CYP2C19: variants seen among roughly 807,000 people sequenced by gnomAD.
CYP2C19 encodes the protein cytochrome P450 2C19.
Under a neutral mutation model 40.9 loss-of-function variants are expected in CYP2C19, and 59 were observed. That is an observed-to-expected ratio of 1.44 (90% CI 1.17 to 1.79). CYP2C19 has a LOEUF of 1.79. Among genes scored for constraint, CYP2C19 ranks in the 40% most tolerant of loss-of-function variants. The pLI is 0.00. For synonymous variants in CYP2C19, 253 were observed against 208.7 expected (o/e 1.21, Z -1.83); for missense variants, 754 against 596.9 (o/e 1.26, Z -2.74).
intron 6 of CYP2C19, among the ~76,000 whole-genome samples, chr10:94,837,596 AC>A (rs1849424504): frequency 6.7e-6 from 1 of 149,770 alleles, no homozygotes. Context: ...CAGCTTAGTG[AC>A]TGGGAGAAGT....
intron 6 of CYP2C19, among the ~76,000 whole-genome samples, chr10:94,831,411 G>A (rs1449441943): frequency 6.6e-6 from 1 of 152,066 alleles, no homozygotes; most frequent in Non-Finnish European, 1.5e-5. Context: ...AGGGTTGTTG[G>A]TAGTTTTATT....
chr10:94,820,635 C>G lies in CYP2C19; in HGVS notation c.959C>G (p.Thr320Arg). ...CTCCTGCTGAAGCACCCAGAGGTCACAGGTATGATCACAGAGGATGAGTTA... is the reference window on the plus strand; with the variant it reads ...CTCCTGCTGAAGCACCCAGAGGTCAGAGGTATGATCACAGAGGATGAGTTA... ...LLLLLKHPEV[T>R]AKVQEEIERV... The change falls in exon 6 of 9, where the codon ACA (threonine) becomes AGA (arginine). Residue 320 changes from threonine (T) to arginine (R), a missense_variant and splice_region_variant. By Grantham distance (71) the Thr-to-Arg change is moderately conservative. Transcript: ENST00000371321. 6.2e-7 allele frequency: 1 copy of G among 1,614,144 alleles called. No individual in the cohort carries two copies. The highest frequency in any genetic ancestry group is 8.5e-7 in the Non-Finnish European group (1 of 1,180,022).
At chr10:94,834,937 G>A (rs1041103538) in intron 6 of CYP2C19, among the ~76,000 whole-genome samples, 2 of 152,126 alleles carry the variant, frequency 1.3e-5, no homozygotes, top group African/African-American at 4.8e-5. Flanking sequence ...TGGGGAGGTT[G>A]GCCGACGACT....
intron 5 of CYP2C19, among the ~76,000 whole-genome samples, chr10:94,802,250 A>G (rs1848777182): frequency 6.6e-6 from 1 of 152,104 alleles, no homozygotes; most frequent in Non-Finnish European, 1.5e-5. Context: ...TGCATTTTAC[A>G]ATCCTTTTGT....
chr10:94,797,731 G>T (rs1848708814), intron 5 of CYP2C19, among the ~76,000 whole-genome samples: 1 of 151,970 alleles, frequency 6.6e-6, no homozygotes, highest in South Asian at 2.1e-4. Context: ...GGGTGTATTT[G>T]TTCAGGAATT....
chr10:94,851,688 G>C (rs1849657098), intron 8 of CYP2C19, among the ~76,000 whole-genome samples: 1 of 151,940 alleles, frequency 6.6e-6, no homozygotes, highest in Non-Finnish European at 1.5e-5. Flanking sequence ...TACCCCCTCT[G>C]TATCCTCATG....
Position 94,854,741 on chromosome 10 carries a change from C to CAAATGTTTAATACA in CYP2C19, c.*1828_*1829insAATGTTTAATACAA, listed in dbSNP as rs1270289114. On this transcript the variant is annotated 3_prime_UTR_variant, in exon 9 of 9. Transcript: ENST00000371321. ...AAATGTTTATTTACAATATTGGGCT[C>CAAATGTTTAATACA]ATATCACACATCTTGTATTAAAACT... is the stretch of plus-strand genomic sequence containing the variant. 2.0e-5 allele frequency among the ~76,000 whole-genome samples: 3 copies of CAAATGTTTAATACA among 152,166 alleles called. No homozygotes were observed. In the East Asian group the frequency reaches 5.8e-4, roughly 29 times the overall value.
chr10:94,827,291 C>G (rs898099501), intron 6 of CYP2C19, among the ~76,000 whole-genome samples: 1 of 152,020 alleles, frequency 6.6e-6, no homozygotes, highest in Non-Finnish European at 1.5e-5. Flanking sequence ...CCGTCTGGTC[C>G]TGGACTCTTT....
At chr10:94,784,170 T>C (rs1848512381) in intron 5 of CYP2C19, among the ~76,000 whole-genome samples, 1 of 152,198 alleles carries the variant, frequency 6.6e-6, no homozygotes, top group Non-Finnish European at 1.5e-5. Flanking sequence ...CTTTTATTTC[T>C]GGGTCCTTAC....
intron 6 of CYP2C19, among the ~76,000 whole-genome samples, chr10:94,837,797 A>G (rs1330802627): frequency 6.6e-6 from 1 of 152,114 alleles, no homozygotes; most frequent in African/African-American, 2.4e-5. Flanking sequence ...TGCCCCAGGC[A>G]CCCTCAGTCC....
intron 4 of CYP2C19, among the ~76,000 whole-genome samples, chr10:94,781,476 T>A (rs1461703686): frequency 3.9e-5 from 6 of 152,106 alleles, no homozygotes; most frequent in African/African-American, 1.2e-4. Context: ...TATGCTATCA[T>A]CTCCAAAATG....
intron 6 of CYP2C19, among the ~76,000 whole-genome samples, chr10:94,833,242 G>A (rs1366751056): frequency 6.6e-6 from 1 of 152,042 alleles, no homozygotes; most frequent in East Asian, 1.9e-4. Context: ...AATGTGGATA[G>A]CCTTTATATC....
chr10:94,850,208 G>T (rs1849631906), intron 8 of CYP2C19, 150 bp downstream of exon 8: 1 of 903,000 alleles, frequency 1.1e-6, no homozygotes, highest in East Asian at 2.5e-5. Context: ...TTCTCCGCTG[G>T]TGATACATCC....
At chr10:94,843,290 GA>G (rs1322329261) in intron 7 of CYP2C19, among the ~76,000 whole-genome samples, 1 of 152,170 alleles carries the variant, frequency 6.6e-6, no homozygotes, top group Non-Finnish European at 1.5e-5. Context: ...GACAAATTTT[GA>G]AGGTGTTAAT....
chr10:94,853,031 C>T lies in CYP2C19; in HGVS notation c.*117C>T. 2 of 1,141,226 alleles carry T rather than the reference C, an allele frequency of 1.8e-6. No homozygotes were observed. Among genetic ancestry groups the T allele is most frequent in the Non-Finnish European group, 2.5e-6 (2 of 799,476 alleles). 70.7% of individuals were successfully genotyped at this position (1,141,226 alleles called of 1,614,324 possible). ...CCGTCATCTCACATTTTCCCTTCCCCCAAGATCTAGTGAACATTCAGCCTC... is the reference window on the plus strand; with the variant it reads ...CCGTCATCTCACATTTTCCCTTCCCTCAAGATCTAGTGAACATTCAGCCTC... On this transcript the variant is annotated 3_prime_UTR_variant, in exon 9 of 9. Transcript: ENST00000371321.
intron 1 of CYP2C19, among the ~76,000 whole-genome samples, chr10:94,766,255 C>T (rs984860026): frequency 2.6e-5 from 4 of 151,864 alleles, no homozygotes; most frequent in African/African-American, 9.7e-5. Flanking sequence ...GTGGGTTAAT[C>T]TGAGAGTCTT....
intron 5 of CYP2C19, among the ~76,000 whole-genome samples, chr10:94,803,944 G>T (rs1848799708): frequency 6.6e-6 from 1 of 152,156 alleles, no homozygotes; most frequent in Non-Finnish European, 1.5e-5. Flanking sequence ...CTATGCACAG[G>T]CACAGGAAGA....
At chr10:94,778,351 A>G (rs1848437991) in intron 3 of CYP2C19, among the ~76,000 whole-genome samples, 1 of 152,152 alleles carries the variant, frequency 6.6e-6, no homozygotes. Context: ...CTCACCTGAA[A>G]CTATGCAGAG....
chr10:94,790,794 C>T (rs538339622), intron 5 of CYP2C19, among the ~76,000 whole-genome samples: 9 of 152,228 alleles, frequency 5.9e-5, no homozygotes, highest in Non-Finnish European at 1.3e-4. Flanking sequence ...AGGATTTTTG[C>T]ATCGATGTTC....
Sources: gnomAD v4.1 joint callset for allele counts (sites outside exome capture counted in the v4.1 genomes callset) on GRCh38, gnomAD v4.1.1 for gene constraint, MANE v1.5 for transcripts, NCBI Gene and HGNC (gene_info 2026-07-23, HGNC 2026-07-21) for gene names.